The following LDLRAP1 variants were observed in gnomAD, a reference collection of about 807,000 sequenced individuals.
LDLRAP1 encodes low density lipoprotein receptor adapter protein 1.
In LDLRAP1, 30 loss-of-function variants were observed where a neutral mutation model predicts 37.8. The observed-to-expected ratio is 0.79, with a 90% CI of 0.59 to 1.08. The LOEUF is 1.08. LDLRAP1 is among the 50% of genes least tolerant of loss of function. The pLI is 0.00. For synonymous variants in LDLRAP1, 156 were observed against 169.8 expected, an observed-to-expected ratio of 0.92 and a Z score of 0.63; for missense variants, 375 against 401.6, an observed-to-expected ratio of 0.93 and a Z score of 0.57.
intron 4 of LDLRAP1, among the ~76,000 whole-genome samples, chr1:25,562,410 G>A (rs951599930): frequency 2.6e-5 from 4 of 152,222 alleles, no homozygotes; most frequent in South Asian, 2.1e-4. Context: ...TAAAGATGGG[G>A]ACTCTACTGC....
downstream of LDLRAP1, among the ~76,000 whole-genome samples, chr1:25,569,682 G>A (rs1322207804): frequency 6.6e-6 from 1 of 152,212 alleles, no homozygotes. Flanking sequence ...AAAATAGTTA[G>A]CAACCAGTGT....
chr1:25,572,859 C>A (rs899592380), downstream of LDLRAP1, among the ~76,000 whole-genome samples: 1 of 152,168 alleles, frequency 6.6e-6, no homozygotes, highest in African/African-American at 2.4e-5. Flanking sequence ...CTCCACTGTC[C>A]CCCTCAAGGA....
chr1:25,583,314 C>T, the LDLRAP1 span, among the ~76,000 whole-genome samples: 696 of 151,254 alleles, frequency 4.6e-3, 4 homozygotes, highest in Admixed American at 0.027. Flanking sequence ...CTCAGCCTCC[C>T]GAATAGCTGG....
chr1:25,582,532 C>G, the LDLRAP1 span, among the ~76,000 whole-genome samples: 1 of 151,016 alleles, frequency 6.6e-6, no homozygotes. Flanking sequence ...TTGCAGTGAT[C>G]CGAGATCGTG....
chr1:25,562,564 G>A lies in LDLRAP1; in HGVS notation c.460-80G>A, dbSNP rs538292141. 6.6e-4 allele frequency: 804 copies of A among 1,220,244 alleles called. 8 individuals carry two copies. Among genetic ancestry groups the A allele is most frequent in the South Asian group, 3.3e-3 (270 of 82,820 alleles). 75.6% of individuals were successfully genotyped at this position (1,220,244 alleles called of 1,614,324 possible). On this transcript the variant is annotated intron_variant, in intron 4 of 8. Transcript: ENST00000374338. ...GGAGGGAGCCAGGGGGCCTGGCCTG[G>A]AGGCCCCAGCCCTCCAGTGCAGACT...
chr1:25,565,483 AAC>A (rs1216050602), intron 8 of LDLRAP1, among the ~76,000 whole-genome samples: 5 of 152,034 alleles, frequency 3.3e-5, no homozygotes, highest in African/African-American at 4.8e-5. Flanking sequence ...AGGTGAGCGA[AAC>A]ACACTGCAGC....
At chr1:25,584,877 C>T in the LDLRAP1 span, among the ~76,000 whole-genome samples, 3 of 152,204 alleles carry the variant, frequency 2.0e-5, no homozygotes, top group Non-Finnish European at 4.4e-5. Flanking sequence ...GTTCCTGCTG[C>T]TATCCTGTTC....
At position 25,567,336 on chromosome 1, in the gene LDLRAP1, T is replaced by G; in HGVS notation, c.*344T>G. On this transcript the variant is annotated 3_prime_UTR_variant, in exon 9 of 9. Coordinates refer to ENST00000374338, the MANE Select transcript of LDLRAP1 (RefSeq NM_015627.3). ...GCAAGCTCTGCCCTGGCTGTGGGTA[T>G]CAGGACTGTGACCAAAGCATTTCTA... 2 of 392,616 alleles carry G rather than the reference T, an allele frequency of 5.1e-6. No individual in the cohort carries two copies. Among genetic ancestry groups the G allele is most frequent in the South Asian group, 4.3e-5 (2 of 46,290 alleles). The allele number at this position is 392,616 out of a possible 1,614,324, so 24.3% of individuals were successfully genotyped here.
At chr1:25,583,974 C>T in the LDLRAP1 span, among the ~76,000 whole-genome samples, 2 of 152,124 alleles carry the variant, frequency 1.3e-5, no homozygotes, top group Non-Finnish European at 2.9e-5. Context: ...CTTCGTGTCT[C>T]CCTCTCTATT....
chr1:25,567,053 G>C lies in LDLRAP1; in HGVS notation c.*61G>C, dbSNP rs763621099. 1.1e-5 allele frequency: 17 copies of C among 1,607,214 alleles called. No individual in the cohort carries two copies. The highest frequency in any genetic ancestry group is 1.4e-5 in the Non-Finnish European group (16 of 1,176,824). ...ACGTGATGGACCAAAGCCACCTGCT[G>C]CGGGGGAGCCAGTTCTGGGGCCCGC... is the stretch of plus-strand genomic sequence containing the variant. On this transcript the variant is annotated 3_prime_UTR_variant, in exon 9 of 9. Transcript: ENST00000374338.
chr1:25,558,709 C>G (rs906817264), intron 4 of LDLRAP1, among the ~76,000 whole-genome samples: 1 of 152,198 alleles, frequency 6.6e-6, no homozygotes, highest in Admixed American at 6.5e-5. Context: ...CCGCTCAGCA[C>G]TCCTTCTGAT....
At chr1:25,553,000 G>A (rs1437915591) in intron 1 of LDLRAP1, among the ~76,000 whole-genome samples, 3 of 152,128 alleles carry the variant, frequency 2.0e-5, no homozygotes, top group Admixed American at 6.5e-5. Context: ...AGTGGGTCTC[G>A]AACCTTCTCC....
chr1:25,556,079 A>G (rs1483632329), intron 3 of LDLRAP1, among the ~76,000 whole-genome samples: 1 of 152,158 alleles, frequency 6.6e-6, no homozygotes, highest in Non-Finnish European at 1.5e-5. Context: ...GGGATGGAGA[A>G]GAGGTAGGCA....
intron 8 of LDLRAP1, among the ~76,000 whole-genome samples, chr1:25,565,814 G>A (rs760075669): frequency 2.6e-5 from 4 of 152,160 alleles, no homozygotes; most frequent in Non-Finnish European, 5.9e-5. Flanking sequence ...CTGGGTCCCC[G>A]TCTGTCAGGC....
the LDLRAP1 span, among the ~76,000 whole-genome samples, chr1:25,584,484 C>G: frequency 6.6e-6 from 1 of 152,164 alleles, no homozygotes; most frequent in Admixed American, 6.5e-5. Flanking sequence ...AGGGACAGAG[C>G]AAGTTGGCCA....
chr1:25,551,661 C>G (rs574552125), intron 1 of LDLRAP1, among the ~76,000 whole-genome samples: 3 of 152,192 alleles, frequency 2.0e-5, no homozygotes, highest in Admixed American at 6.5e-5. Context: ...CAGGGACTTT[C>G]ACATTCTTTT....
At chr1:25,565,919 G>T (rs558031119) in intron 8 of LDLRAP1, among the ~76,000 whole-genome samples, 6 of 152,124 alleles carry the variant, frequency 3.9e-5, no homozygotes. Context: ...TTGGTCCAGC[G>T]GGTGGGGACA....
intron 1 of LDLRAP1, chr1:25,549,918 A>G (rs72873726): frequency 0.047 from 7,096 of 152,528 alleles, 371 homozygotes; most frequent in African/African-American, 0.13. Context: ...AGAAAGGAGC[A>G]TCTCAGTGGG....
chr1:25,564,999 T>G, intron 7 of LDLRAP1, 174 bp from the exon 8 acceptor site: 25 of 694,010 alleles, frequency 3.6e-5, no homozygotes, highest in Non-Finnish European at 4.7e-5. Flanking sequence ...GTCCTTGGGC[T>G]GAGATGCTGG....
Sources: gnomAD v4.1 joint callset for allele counts (sites outside exome capture counted in the v4.1 genomes callset) on GRCh38, gnomAD v4.1.1 for gene constraint, MANE v1.5 for transcripts, NCBI Gene and HGNC (gene_info 2026-07-23, HGNC 2026-07-21) for gene names.